The following CPEB3 variants were observed in gnomAD, a reference collection of about 807,000 sequenced individuals.
CPEB3 encodes the protein cytoplasmic polyadenylation element-binding protein 3.
CPEB3 carries 20 observed loss-of-function variants against 67.2 expected under a neutral mutation model. The observed-to-expected ratio is 0.30, with a 90% confidence interval of 0.21 to 0.43. The LOEUF (loss-of-function observed/expected upper bound fraction) is 0.43, where lower values mean the gene tolerates loss of function less well. Among genes scored for constraint, CPEB3 ranks in the 20% least tolerant of loss-of-function variants. The pLI, the probability that CPEB3 is intolerant of heterozygous loss-of-function variation, is 1.00. For synonymous variants in CPEB3, 376 were observed against 393.1 expected (o/e 0.96, Z 0.51); for missense variants, 746 against 968.6 (o/e 0.77, Z 3.05).
intron 1 of CPEB3, among the ~76,000 whole-genome samples, chr10:92,286,914 A>T (rs1391412814): frequency 6.6e-6 from 1 of 152,178 alleles, no homozygotes; most frequent in African/African-American, 2.4e-5. Flanking sequence ...GTTATCTCTA[A>T]ATCCATTACA....
At chr10:92,247,858 C>T (rs950449090) in intron 1 of CPEB3, among the ~76,000 whole-genome samples, 4 of 152,072 alleles carry the variant, frequency 2.6e-5, no homozygotes, top group African/African-American at 9.7e-5. Context: ...CACAGAACTT[C>T]ACCTTAAACC....
chr10:92,225,507 GAAACA>G (rs1217008789), intron 2 of CPEB3, among the ~76,000 whole-genome samples: 1 of 151,428 alleles, frequency 6.6e-6, no homozygotes, highest in Non-Finnish European at 1.5e-5. Context: ...CATCTCAAAT[GAAACA>G]AAACAAAACA....
At chr10:92,175,449 T>C (rs928514464) in intron 4 of CPEB3, among the ~76,000 whole-genome samples, 4 of 152,048 alleles carry the variant, frequency 2.6e-5, no homozygotes, top group Non-Finnish European at 5.9e-5. Context: ...TTCTCTTGGG[T>C]AAATTCCCAG....
chr10:92,164,624 T>C (rs953582234), intron 4 of CPEB3, among the ~76,000 whole-genome samples: 1 of 152,236 alleles, frequency 6.6e-6, no homozygotes, highest in Non-Finnish European at 1.5e-5. Flanking sequence ...ATAAGTATTT[T>C]GTTTATTTTT....
intron 6 of CPEB3, among the ~76,000 whole-genome samples, chr10:92,122,255 T>C (rs1249275649): frequency 6.6e-6 from 1 of 152,214 alleles, no homozygotes; most frequent in Non-Finnish European, 1.5e-5. Context: ...AGAGGCTGAT[T>C]ACTTTTCCAG....
intron 4 of CPEB3, among the ~76,000 whole-genome samples, chr10:92,155,456 G>C (rs140129008): frequency 5.3e-5 from 8 of 152,256 alleles, no homozygotes; most frequent in Non-Finnish European, 1.2e-4. Context: ...TGCAGAGTTG[G>C]CTCAAATGAA....
rs1325485256 is a variant in CPEB3 at position 92,183,413 on chromosome 10, GAAAAA to G, written c.1166-2399_1166-2395del. On this transcript the variant is annotated intron_variant, in intron 3 of 9. Coordinates refer to ENST00000265997, the MANE Select transcript of CPEB3 (RefSeq NM_014912.5). ...CCACCTTGATCAGAACCTATAATAG[GAAAAA>G]CTGTCACCAGAACAAGGCTTTCACT... Among the ~76,000 whole-genome samples, 5 of 152,210 alleles carry G rather than the reference GAAAAA, an allele frequency of 3.3e-5. No individual in the cohort carries two copies. The East Asian group carries it at 9.6e-4, about 29-fold the overall frequency.
intron 3 of CPEB3, among the ~76,000 whole-genome samples, chr10:92,186,610 T>A (rs1221429808): frequency 2.0e-5 from 3 of 151,982 alleles, no homozygotes; most frequent in African/African-American, 7.2e-5. Flanking sequence ...AATTTTCGTA[T>A]TTTTAGTAGA....
intron 7 of CPEB3, among the ~76,000 whole-genome samples, chr10:92,096,818 C>G (rs557670242): frequency 6.6e-6 from 1 of 152,100 alleles, no homozygotes; most frequent in African/African-American, 2.4e-5. Context: ...TGGCAGGCAC[C>G]GGTAATCCCA....
At chr10:92,143,237 GCATCTT>G (rs1846523881) in intron 5 of CPEB3, 119 bp from the exon 6 acceptor site, 1 of 646,722 alleles carries the variant, frequency 1.5e-6, no homozygotes, top group East Asian at 3.0e-5. Flanking sequence ...GTTTTCTATA[GCATCTT>G]TACGGAAGTG....
chr10:92,278,366 T>C (rs1842091254), intron 1 of CPEB3, among the ~76,000 whole-genome samples: 2 of 152,120 alleles, frequency 1.3e-5, no homozygotes, highest in Admixed American at 1.3e-4. Flanking sequence ...CTAATGAACA[T>C]GAGATTCTTT....
intron 6 of CPEB3, among the ~76,000 whole-genome samples, chr10:92,123,782 T>C (rs1277482714): frequency 6.6e-6 from 1 of 152,210 alleles, no homozygotes; most frequent in Non-Finnish European, 1.5e-5. Flanking sequence ...TGATCAGTTC[T>C]TAATGCTGTT....
At chr10:92,122,026 T>A (rs1384659878) in intron 6 of CPEB3, among the ~76,000 whole-genome samples, 1 of 152,178 alleles carries the variant, frequency 6.6e-6, no homozygotes, top group Non-Finnish European at 1.5e-5. Flanking sequence ...ACCAAAAACA[T>A]CTAGGAGATG....
At chr10:92,283,246 C>CAAAAAT (rs1454786480) in intron 1 of CPEB3, among the ~76,000 whole-genome samples, 1 of 151,976 alleles carries the variant, frequency 6.6e-6, no homozygotes, top group Non-Finnish European at 1.5e-5. Context: ...GAGACTCTCT[C>CAAAAAT]AAAAATAAAA....
chr10:92,059,755 G>C (rs1381644791), intron 9 of CPEB3, among the ~76,000 whole-genome samples: 2 of 152,144 alleles, frequency 1.3e-5, no homozygotes, highest in Non-Finnish European at 1.5e-5. Context: ...TCAGGAACTT[G>C]AGACCAGCCT....
At chr10:92,225,061 A>C (rs963551608) in intron 2 of CPEB3, among the ~76,000 whole-genome samples, 5 of 150,342 alleles carry the variant, frequency 3.3e-5, no homozygotes, top group African/African-American at 1.2e-4. Flanking sequence ...TGCAACCTCC[A>C]CCTCCTGGGT....
At chr10:92,100,122 C>T (rs967953992) in intron 7 of CPEB3, among the ~76,000 whole-genome samples, 3 of 152,150 alleles carry the variant, frequency 2.0e-5, no homozygotes, top group Admixed American at 1.3e-4. Flanking sequence ...GCGACAGAAC[C>T]AGCCCTTGTC....
intron 4 of CPEB3, among the ~76,000 whole-genome samples, chr10:92,175,338 G>A (rs755298700): frequency 2.0e-5 from 3 of 151,554 alleles, no homozygotes; most frequent in Non-Finnish European, 2.9e-5. Flanking sequence ...TTTATTTGCC[G>A]AGTAGTATTC....
intron 1 of CPEB3, among the ~76,000 whole-genome samples, chr10:92,287,463 T>C (rs12260687): frequency 0.013 from 1,978 of 152,312 alleles, 46 homozygotes; most frequent in African/African-American, 0.045. Context: ...TGACAAACAA[T>C]ATTGAAATTC....
Sources: allele counts gnomAD v4.1 joint callset (sites outside exome capture counted in the v4.1 genomes callset), GRCh38; gene constraint gnomAD v4.1.1; transcripts MANE v1.5; gene names NCBI Gene and HGNC (gene_info 2026-07-23, HGNC 2026-07-21).